Variants in CENPE observed in about 807,000 individuals in gnomAD.
CENPE encodes centromere protein E.
In CENPE, 145 loss-of-function variants were observed where a neutral mutation model predicts 336.1. The ratio of observed to expected loss-of-function variants is 0.43; its 90% CI spans 0.38 to 0.50. The LOEUF (loss-of-function observed/expected upper bound fraction) is 0.50, where lower values mean the gene tolerates loss of function less well. CENPE is among the 20% of genes least tolerant of loss of function. CENPE has a pLI of 0.00. For synonymous variants in CENPE, 1,013 were observed against 984.8 expected (o/e 1.03, Z -0.54); for missense variants, 2,719 against 3,023.3 (o/e 0.90, Z 2.36).
chr4:103,112,727 T>C (rs558981202), intron 46 of CENPE, among the ~76,000 whole-genome samples: 98 of 119,122 alleles, frequency 8.2e-4, no homozygotes, highest in South Asian at 2.6e-3. Context: ...TATATAAGTG[T>C]ATATATATAC....
At chr4:103,110,452 C>T (rs111609816) in intron 47 of CENPE, among the ~76,000 whole-genome samples, 2 of 152,136 alleles carry the variant, frequency 1.3e-5, no homozygotes, top group African/African-American at 4.8e-5. Flanking sequence ...GTGGTAGAAG[C>T]CGAATAATTT....
Position 103,153,209 on chromosome 4 carries a change from A to AT in CENPE, c.3074dup (p.Asn1025LysfsTer10). ...TAACATCTGCAGTTAGTGTTTGGGT[A>AT]TTTTTAGCTTCCAAATCCTGTTTTT... is the stretch of plus-strand genomic sequence containing the variant. On this transcript the variant is annotated frameshift_variant, in exon 25 of 49. Coordinates refer to ENST00000265148, the MANE Select transcript of CENPE (RefSeq NM_001813.3). LOFTEE classifies it high-confidence loss of function. 6.2e-7 allele frequency: 1 copy of AT among 1,612,718 alleles called. No homozygotes were observed. The highest frequency in any genetic ancestry group is 8.5e-7 in the Non-Finnish European group (1 of 1,179,430).
intron 40 of CENPE, among the ~76,000 whole-genome samples, chr4:103,135,223 T>C (rs1475261352): frequency 3.9e-5 from 6 of 152,198 alleles, no homozygotes; most frequent in Admixed American, 2.6e-4. Context: ...ATCACCTATA[T>C]GCTGATCAGT....
chr4:103,122,853 T>C lies in CENPE; in HGVS notation c.7143+18A>G. The C allele has an allele frequency of 1.9e-6, 3 of 1,577,494 alleles. No individual in the cohort carries two copies. Among genetic ancestry groups the C allele is most frequent in the East Asian group, 2.2e-5 (1 of 44,636 alleles). ...ATGAAGCTGCAAACTGAAGAACATT[T>C]TATAAGAAATTATATACCTCTGTGG... On this transcript the variant is annotated intron_variant, in intron 43 of 48. Coordinates refer to ENST00000265148, the MANE Select transcript of CENPE (RefSeq NM_001813.3).
At chr4:103,187,470 C>A (rs185291696) in intron 8 of CENPE, among the ~76,000 whole-genome samples, 8 of 152,118 alleles carry the variant, frequency 5.3e-5, no homozygotes, top group African/African-American at 1.2e-4. Flanking sequence ...CTCTACAAGC[C>A]AGAAGAGAGT....
Position 103,185,933 on chromosome 4 carries a change from C to T in CENPE, c.694-72G>A, listed in dbSNP as rs1309215746. The stretch of plus-strand genomic sequence containing the variant: ...AATAAAATTCAAACTACTGAAAGAA[C>T]ATTTTTAATACATGGTATATCTGAA... On this transcript the variant is annotated intron_variant, in intron 8 of 48. Coordinates refer to ENST00000265148, the MANE Select transcript of CENPE (RefSeq NM_001813.3). 2.9e-5 allele frequency: 28 copies of T among 969,948 alleles called. 1 individual carries two copies. Among genetic ancestry groups the T allele is most frequent in the South Asian group, 2.8e-5 (2 of 71,158 alleles). 60.1% of individuals were successfully genotyped at this position (969,948 alleles called of 1,614,324 possible). A position where few individuals can be genotyped will look rare whatever the true frequency, so the allele number is the denominator to read the frequency against.
Position 103,152,401 on chromosome 4 carries a change from G to C in CENPE, c.3237+646C>G, listed in dbSNP as rs544726061. 4.1e-4 allele frequency among the ~76,000 whole-genome samples: 62 copies of C among 152,284 alleles called. 1 individual carries two copies. Among genetic ancestry groups the C allele is most frequent in the Non-Finnish European group, 6.9e-4 (47 of 68,016 alleles). On this transcript the variant is annotated intron_variant, in intron 25 of 48. Coordinates refer to ENST00000265148, the MANE Select transcript of CENPE (RefSeq NM_001813.3). ...GTGAAGAAGGATGTTTGAGCCACCA[G>C]AATTCTCTTAATTTGCTAATGGGAA...
intron 12 of CENPE, among the ~76,000 whole-genome samples, 183 bp downstream of exon 12, chr4:103,181,154 C>A (rs1011838605): frequency 6.6e-6 from 1 of 152,070 alleles, no homozygotes; most frequent in African/African-American, 2.4e-5. Flanking sequence ...AGAACCAAAT[C>A]TTACAATTTA....
chr4:103,111,501 CTA>C (rs2125834114), intron 46 of CENPE, among the ~76,000 whole-genome samples: 1 of 152,258 alleles, frequency 6.6e-6, no homozygotes, highest in East Asian at 1.9e-4. Flanking sequence ...ATATTCTACA[CTA>C]TGTGTGTAAA....
rs781289755 is a variant in CENPE at position 103,149,341 on chromosome 4, T to G, written c.3464A>C (p.Lys1155Thr). The G allele has an allele frequency of 3.7e-6, 6 of 1,609,684 alleles. No individual in the cohort carries two copies. The Admixed American group carries it at 5.0e-5, about 14-fold the overall frequency. Residue 1155 changes from lysine to threonine, a missense_variant, in exon 27 of 49, where the codon AAA becomes ACA. Transcript: ENST00000265148. ...NVQEEMSEMQ[K>T]KINEIENLKN... ...TAAATTCTCTATTTCATTAATCTTTTTCTGCATCTCACTCATCTCTTCTTG... is the reference window on the plus strand; with the variant it reads ...TAAATTCTCTATTTCATTAATCTTTGTCTGCATCTCACTCATCTCTTCTTG...
intron 43 of CENPE, 65 bp downstream of exon 43, chr4:103,122,806 T>C (rs1750753177): frequency 1.7e-6 from 2 of 1,202,042 alleles, no homozygotes; most frequent in South Asian, 1.3e-5. Flanking sequence ...GTAAATACTA[T>C]AATTTTGCTC....
intron 46 of CENPE, among the ~76,000 whole-genome samples, chr4:103,112,152 G>A (rs935553548): frequency 3.3e-5 from 5 of 150,478 alleles, no homozygotes; most frequent in African/African-American, 1.2e-4. Flanking sequence ...ATATATGTGT[G>A]CACATGCATA....
At chr4:103,119,461 C>A (rs1750419846) in intron 44 of CENPE, among the ~76,000 whole-genome samples, 1 of 152,096 alleles carries the variant, frequency 6.6e-6, no homozygotes, top group Admixed American at 6.5e-5. Flanking sequence ...TTAATTTTTT[C>A]TTTTGCCTCT....
chr4:103,197,842 C>G (rs1046557960), intron 1 of CENPE, among the ~76,000 whole-genome samples: 1 of 152,176 alleles, frequency 6.6e-6, no homozygotes. Flanking sequence ...TCTTGAGTGA[C>G]GATTGAATGT....
At chr4:103,108,779 C>A in intron 48 of CENPE, 24 bp downstream of exon 48, 1 of 1,594,584 alleles carries the variant, frequency 6.3e-7, no homozygotes, top group South Asian at 1.1e-5. Flanking sequence ...CTCTGATTTC[C>A]AAGTAACCAG....
chr4:103,146,834 A>G (rs1414725609), intron 29 of CENPE, among the ~76,000 whole-genome samples: 1 of 152,178 alleles, frequency 6.6e-6, no homozygotes, highest in Non-Finnish European at 1.5e-5. Context: ...ATAGCCAGGG[A>G]AAGAAATGAT....
rs145048632 is a variant in CENPE at position 103,108,930 on chromosome 4, T to C, written c.7884A>G (p.Glu2628=). 1.3e-4 allele frequency: 212 copies of C among 1,613,812 alleles called. No individual in the cohort carries two copies. Among genetic ancestry groups the C allele is most frequent in the Non-Finnish European group, 1.8e-4 (208 of 1,179,874 alleles). ...TTGGCACAGGATCTTGTAAATTCCGTTCCTTGCATTGAGAGGGTGTAATTT... is the reference window on the plus strand; with the variant it reads ...TTGGCACAGGATCTTGTAAATTCCGCTCCTTGCATTGAGAGGGTGTAATTT... ...KKQITPSQCK[E]RNLQDPVPKE... Residue 2628 remains glutamate, a synonymous_variant, in exon 48 of 49, where the codon GAA becomes GAG. Coordinates refer to ENST00000265148, the MANE Select transcript of CENPE (RefSeq NM_001813.3).
In CENPE at chr4:103,114,417, T is replaced by C. The variant is rs762478364; in HGVS notation, c.7540+38A>G. Reference sequence around the variant, plus strand: ...TCAAAGTCTGTTGTGTGTTGAGAAGTAAAATTTCATCTGAAAATATCTGCA... The same window carrying C: ...TCAAAGTCTGTTGTGTGTTGAGAAGCAAAATTTCATCTGAAAATATCTGCA... On this transcript the variant is annotated intron_variant, in intron 46 of 48. Transcript: ENST00000265148. The C allele has an allele frequency of 5.5e-6, 7 of 1,267,426 alleles. No homozygotes were observed. The East Asian group carries it at 1.4e-4, about 25-fold the overall frequency. The allele number at this position is 1,267,426 out of a possible 1,614,324, so 78.5% of individuals were successfully genotyped here.
At chr4:103,168,928 T>C (rs543732903) in intron 16 of CENPE, among the ~76,000 whole-genome samples, 122 of 152,332 alleles carry the variant, frequency 8.0e-4, no homozygotes, top group African/African-American at 2.7e-3. Context: ...ACAAGCATCA[T>C]GATCAGGGAA....
Sources: allele counts gnomAD v4.1 joint callset (sites outside exome capture counted in the v4.1 genomes callset), GRCh38; gene constraint gnomAD v4.1.1; transcripts MANE v1.5; gene names NCBI Gene and HGNC (gene_info 2026-07-23, HGNC 2026-07-21).